The following IL1RAPL1 variants were observed in gnomAD, a reference collection of about 807,000 sequenced individuals.
The protein encoded by IL1RAPL1 is interleukin 1 receptor accessory protein like 1, also known as interleukin-1 receptor accessory protein-like 1.
Under a neutral mutation model 48.4 loss-of-function variants are expected in IL1RAPL1, and 3 were observed. That is an observed-to-expected ratio of 0.06 (90% CI 0.03 to 0.16). IL1RAPL1 has a LOEUF of 0.16. IL1RAPL1 is among the 10% of genes least tolerant of loss of function. The pLI is 1.00. For synonymous variants in IL1RAPL1, 185 were observed against 187.7 expected, an observed-to-expected ratio of 0.99 and a Z score of 0.12; for missense variants, 349 against 530.6, an observed-to-expected ratio of 0.66 and a Z score of 3.36.
At chrX:29,662,812 T>A (rs1278576873) in intron 5 of IL1RAPL1, among the ~76,000 whole-genome samples, 1 of 111,544 alleles carries the variant, frequency 9.0e-6, no homozygotes, top group Non-Finnish European at 1.9e-5. Context: ...TCAACTGACC[T>A]CCCCGCACCT....
chrX:29,487,132 C>T (rs1421398860), intron 5 of IL1RAPL1, among the ~76,000 whole-genome samples: 1 of 111,745 alleles, frequency 8.9e-6, no homozygotes, highest in East Asian at 2.8e-4. Flanking sequence ...TGATAACATT[C>T]ACGAGTCTGC....
At chrX:29,077,700 C>A (rs1255382502) in intron 2 of IL1RAPL1, among the ~76,000 whole-genome samples, 1 of 110,749 alleles carries the variant, frequency 9.0e-6, no homozygotes, top group Non-Finnish European at 1.9e-5. Flanking sequence ...ATAGTGAGAG[C>A]ATATGAAAGC....
intron 2 of IL1RAPL1, among the ~76,000 whole-genome samples, chrX:28,879,829 A>G (rs1220856488): frequency 3.6e-5 from 4 of 112,121 alleles, no homozygotes; most frequent in African/African-American, 1.3e-4. Context: ...AATGCTCTAT[A>G]CAGTTTCAAA....
chrX:29,496,469 C>CTTTTTTTTTTT (rs60141942), intron 5 of IL1RAPL1, among the ~76,000 whole-genome samples: 1 of 73,284 alleles, frequency 1.4e-5, no homozygotes, highest in Non-Finnish European at 2.5e-5. Flanking sequence ...TTTCTTATTC[C>CTTTTTTTTTTT]TTTTTTTTTT....
intron 3 of IL1RAPL1, among the ~76,000 whole-genome samples, chrX:29,332,808 T>C (rs1932901676): frequency 9.0e-6 from 1 of 110,996 alleles, no homozygotes; most frequent in Non-Finnish European, 1.9e-5. Context: ...TCCGCAGTGT[T>C]TGTGTCCCTG....
rs1159441502 is a variant in IL1RAPL1, at chrX:29,668,364, TTCTA to T, written c.704-62_704-59del. On this transcript the variant is annotated intron_variant, in intron 5 of 10. Coordinates refer to ENST00000378993, the MANE Select transcript of IL1RAPL1 (RefSeq NM_014271.4). Reference sequence around the variant, plus strand: ...AAAATATTTGGGAAAATAGACTGTATTCTATCTTTTAGTTTTATGCAGCATAACT... The same window carrying T: ...AAAATATTTGGGAAAATAGACTGTATTCTTTTAGTTTTATGCAGCATAACT... The T allele has an allele frequency of 6.2e-6, 6 of 960,173 alleles. No individual in the cohort carries two copies. The African/African-American group carries it at 9.5e-5, about 15-fold the overall frequency. The allele number at this position is 960,173 out of a possible 1,213,427, so 79.1% of individuals were successfully genotyped here.
intron 6 of IL1RAPL1, among the ~76,000 whole-genome samples, chrX:29,804,638 C>T (rs1390417890): frequency 8.9e-6 from 1 of 112,027 alleles, no homozygotes; most frequent in African/African-American, 3.2e-5. Flanking sequence ...GCCTCCTCAG[C>T]CATGTGGAAG....
At chrX:29,913,321 T>G (rs1297322749) in intron 6 of IL1RAPL1, among the ~76,000 whole-genome samples, 1 of 110,256 alleles carries the variant, frequency 9.1e-6, no homozygotes, top group African/African-American at 3.3e-5. Flanking sequence ...TCAAATTGAC[T>G]TTCTGTTCTG....
chrX:29,155,993 A>T (rs997907794), intron 2 of IL1RAPL1, among the ~76,000 whole-genome samples: 1 of 111,209 alleles, frequency 9.0e-6, no homozygotes, highest in African/African-American at 3.2e-5. Context: ...TATTTATATT[A>T]TAATAAATAT....
At chrX:29,921,551 TA>T (rs1932848327) in intron 8 of IL1RAPL1, among the ~76,000 whole-genome samples, 1 of 112,202 alleles carries the variant, frequency 8.9e-6, no homozygotes, top group Admixed American at 9.5e-5. Flanking sequence ...GTTTAGTATA[TA>T]GCCAATCAAG....
intron 6 of IL1RAPL1, among the ~76,000 whole-genome samples, chrX:29,889,869 T>G (rs1932241803): frequency 9.3e-6 from 1 of 107,510 alleles, no homozygotes; most frequent in African/African-American, 3.5e-5. Context: ...CTGTTTCAAT[T>G]TTTTTTTTAC....
At chrX:29,914,698 CAA>C (rs1932784107) in intron 6 of IL1RAPL1, among the ~76,000 whole-genome samples, 2 of 79,629 alleles carry the variant, frequency 2.5e-5, no homozygotes, top group South Asian at 4.8e-4. Context: ...CAAAAAAAAA[CAA>C]AAACAAAAAC....
chrX:29,475,434 T>C (rs780208322), intron 5 of IL1RAPL1, among the ~76,000 whole-genome samples: 9 of 112,071 alleles, frequency 8.0e-5, no homozygotes, highest in Non-Finnish European at 1.5e-4. Flanking sequence ...TCTGCACCAC[T>C]CTACTGTGAC....
chrX:29,907,504 TTTTTGTTTTTAGAAAA>T (rs1223199425), intron 6 of IL1RAPL1, among the ~76,000 whole-genome samples: 1 of 111,731 alleles, frequency 9.0e-6, no homozygotes, highest in Non-Finnish European at 1.9e-5. Flanking sequence ...ATGAAACTAA[TTTTTGTTTTTAGAAAA>T]TAATGCAATT....
intron 3 of IL1RAPL1, among the ~76,000 whole-genome samples, chrX:29,349,894 A>C (rs1933200389): frequency 9.2e-6 from 1 of 108,701 alleles, no homozygotes; most frequent in African/African-American, 3.4e-5. Flanking sequence ...TAAATAAATT[A>C]ATAGAAAACT....
intron 1 of IL1RAPL1, among the ~76,000 whole-genome samples, chrX:28,746,349 G>A (rs1447736169): frequency 9.0e-6 from 1 of 111,653 alleles, no homozygotes; most frequent in Non-Finnish European, 1.9e-5. Flanking sequence ...TTTAACCAGT[G>A]GGTAGTAAAC....
chrX:29,168,668 A>G (rs1481136931), intron 2 of IL1RAPL1, among the ~76,000 whole-genome samples: 1 of 94,325 alleles, frequency 1.1e-5, no homozygotes, highest in African/African-American at 3.7e-5. Context: ...TATTGTATAT[A>G]TATTGTATAT....
chrX:29,406,949 T>C (rs1251116214), intron 5 of IL1RAPL1, among the ~76,000 whole-genome samples: 1 of 112,489 alleles, frequency 8.9e-6, no homozygotes, highest in Non-Finnish European at 1.9e-5. Context: ...TTTAAAATGT[T>C]ATATTTAAAA....
At chrX:29,480,226 T>C (rs1201386363) in intron 5 of IL1RAPL1, among the ~76,000 whole-genome samples, 1 of 105,553 alleles carries the variant, frequency 9.5e-6, no homozygotes, top group Non-Finnish European at 1.9e-5. Context: ...CAATATTTAC[T>C]TTTGGGGGCA....
Sources: allele counts gnomAD v4.1 joint callset (sites outside exome capture counted in the v4.1 genomes callset), GRCh38; gene constraint gnomAD v4.1.1; transcripts MANE v1.5; gene names NCBI Gene and HGNC (gene_info 2026-07-23, HGNC 2026-07-21).